ANKS1B: variants seen among roughly 807,000 people sequenced by gnomAD.
ANKS1B encodes ankyrin repeat and sterile alpha motif domain-containing protein 1B.
A neutral mutation model predicts 148.3 loss-of-function variants in ANKS1B; 36 were observed. That is an observed-to-expected ratio of 0.24 (90% CI 0.19 to 0.32). The LOEUF (loss-of-function observed/expected upper bound fraction) is 0.32. ANKS1B is among the 10% of genes least tolerant of loss of function. The probability of loss-of-function intolerance (pLI) is 1.00; values close to 1 mark genes in which losing one functional copy is unlikely to be tolerated. For synonymous variants in ANKS1B, 542 were observed against 560.8 expected, an observed-to-expected ratio of 0.97 and a Z score of 0.47; for missense variants, 1,157 against 1,542.6, an observed-to-expected ratio of 0.75 and a Z score of 4.19.
chr12:99,400,982 G>A (rs1346579337), intron 11 of ANKS1B, among the ~76,000 whole-genome samples: 1 of 145,264 alleles, frequency 6.9e-6, no homozygotes, highest in Non-Finnish European at 1.5e-5. Flanking sequence ...TATCTGCACA[G>A]TATAGGGTTT....
intron 12 of ANKS1B, among the ~76,000 whole-genome samples, chr12:99,384,634 C>G (rs1316634953): frequency 6.6e-6 from 1 of 150,760 alleles, no homozygotes; most frequent in African/African-American, 2.4e-5. Flanking sequence ...CCCCTCCTCT[C>G]CCTCCCCTCC....
At chr12:99,928,847 C>G (rs1457114228) in intron 1 of ANKS1B, among the ~76,000 whole-genome samples, 5 of 152,118 alleles carry the variant, frequency 3.3e-5, no homozygotes, top group Admixed American at 2.6e-4. Context: ...TTACCAACTA[C>G]GAAAGGGAAT....
chr12:99,792,743 T>C (rs2065814790), intron 4 of ANKS1B, among the ~76,000 whole-genome samples: 4 of 152,008 alleles, frequency 2.6e-5, no homozygotes, highest in Admixed American at 2.6e-4. Context: ...AGTATCATAC[T>C]GAATGGGGGA....
chr12:99,336,818 T>C (rs1437779630), intron 12 of ANKS1B, among the ~76,000 whole-genome samples: 1 of 152,140 alleles, frequency 6.6e-6, no homozygotes, highest in African/African-American at 2.4e-5. Flanking sequence ...ACTTTAAATA[T>C]GTCATGCTAC....
chr12:98,735,485 T>G, exon 10 of ANKS1B: 1 of 579,610 alleles, frequency 1.7e-6, no homozygotes, highest in African/African-American at 1.8e-5. Flanking sequence ...ATTAGACCAC[T>G]AAAGTGAAGG....
chr12:98,754,360 G>A (rs977311876), intron 25 of ANKS1B, among the ~76,000 whole-genome samples: 3 of 152,176 alleles, frequency 2.0e-5, no homozygotes, highest in Non-Finnish European at 2.9e-5. Context: ...TGGCACTCAC[G>A]TCACTGTCAG....
chr12:99,006,571 G>A (rs1953336206), intron 17 of ANKS1B, among the ~76,000 whole-genome samples: 1 of 152,132 alleles, frequency 6.6e-6, no homozygotes, highest in South Asian at 2.1e-4. Flanking sequence ...GACAGGCCAG[G>A]GACTCAGGAT....
At chr12:99,843,833 C>G (rs1042269589) in intron 1 of ANKS1B, among the ~76,000 whole-genome samples, 1 of 152,136 alleles carries the variant, frequency 6.6e-6, no homozygotes, top group African/African-American at 2.4e-5. Flanking sequence ...AATCGCCACA[C>G]TGTCTTCCAC....
Position 99,053,293 on chromosome 12 carries a change from T to G in ANKS1B, c.2642A>C (p.His881Pro). ...TACAGAGGTGGGATGGTAGCCATCA[T>G]GCCCAATGGGTCTCATCTGTAATAA... ...QLLPKMRPIG[H>P]DGYHPTSVAE... The change falls in exon 17 of 27, where the codon CAT (histidine) becomes CCT (proline). Residue 881 changes from histidine (H) to proline (P), a missense_variant. Coordinates refer to ENST00000683438, the MANE Select transcript of ANKS1B (RefSeq NM_001352186.2). 1 of 1,609,134 alleles carries G rather than the reference T, an allele frequency of 6.2e-7. No individual in the cohort carries two copies. The highest frequency in any genetic ancestry group is 8.5e-7 in the Non-Finnish European group (1 of 1,177,770).
chr12:99,026,144 C>T (rs972082926), intron 17 of ANKS1B, among the ~76,000 whole-genome samples: 13 of 152,142 alleles, frequency 8.5e-5, no homozygotes, highest in African/African-American at 1.4e-4. Flanking sequence ...TCTTTTACCA[C>T]CCTTGAAGTA....
chr12:99,450,960 T>C (rs1056904252), intron 10 of ANKS1B, among the ~76,000 whole-genome samples: 3 of 152,188 alleles, frequency 2.0e-5, no homozygotes, highest in African/African-American at 7.2e-5. Flanking sequence ...ATATCCTTGA[T>C]AATATAATTT....
At position 99,587,646 on chromosome 12, in the gene ANKS1B, T is replaced by A. The variant is rs565050691; in HGVS notation, c.1272+67421A>T. On this transcript the variant is annotated intron_variant, in intron 9 of 26. Coordinates refer to ENST00000683438, the MANE Select transcript of ANKS1B (RefSeq NM_001352186.2). ...GAAAATAGCAGATCACATAAAATGC[T>A]GTGTTCTCACTTCATAAGGGTAGAT... Among the ~76,000 whole-genome samples the A allele has an allele frequency of 1.5e-4, 23 of 152,328 alleles. 1 individual carries two copies. Among genetic ancestry groups the A allele is most frequent in the African/African-American group, 4.8e-4 (20 of 41,570 alleles).
chr12:99,127,168 T>C (rs2064640299), intron 15 of ANKS1B, among the ~76,000 whole-genome samples: 1 of 152,154 alleles, frequency 6.6e-6, no homozygotes, highest in South Asian at 2.1e-4. Flanking sequence ...ATAATTTGCC[T>C]ATAAAATATC....
chr12:99,296,088 G>C (rs918115379), intron 12 of ANKS1B, among the ~76,000 whole-genome samples: 1 of 151,956 alleles, frequency 6.6e-6, no homozygotes, highest in Non-Finnish European at 1.5e-5. Context: ...AAAATTTGTG[G>C]AAAAGACTTT....
chr12:99,914,720 TTTA>T (rs1603451990), intron 1 of ANKS1B, among the ~76,000 whole-genome samples: 2 of 151,722 alleles, frequency 1.3e-5, no homozygotes, highest in African/African-American at 2.4e-5. Context: ...GAGGGTGATA[TTTA>T]GGGGGGTGTA....
chr12:99,902,786 T>C lies in ANKS1B; in HGVS notation c.135-77397A>G, dbSNP rs1023570947. ...TTTTTTTTGAGACAGAGTCTCACTCTGTCATCCAGGCTGGAATGCAGCGGC... is the reference window on the plus strand; with the variant it reads ...TTTTTTTTGAGACAGAGTCTCACTCCGTCATCCAGGCTGGAATGCAGCGGC... On this transcript the variant is annotated intron_variant, in intron 1 of 26. Coordinates refer to ENST00000683438, the MANE Select transcript of ANKS1B (RefSeq NM_001352186.2). 1.2e-4 allele frequency among the ~76,000 whole-genome samples: 18 copies of C among 151,106 alleles called. 1 individual carries two copies. Among genetic ancestry groups the C allele is most frequent in the Admixed American group, 1.2e-3 (18 of 15,130 alleles).
chr12:99,083,038 G>A (rs556161315), intron 16 of ANKS1B, among the ~76,000 whole-genome samples: 1 of 152,166 alleles, frequency 6.6e-6, no homozygotes, highest in East Asian at 1.9e-4. Flanking sequence ...TCCTGAATTG[G>A]TTCTAAGGAT....
intron 14 of ANKS1B, among the ~76,000 whole-genome samples, chr12:99,190,211 A>C (rs1172623746): frequency 6.6e-6 from 1 of 152,210 alleles, no homozygotes; most frequent in African/African-American, 2.4e-5. Flanking sequence ...AAATGGAAAA[A>C]CATTCCATGC....
intron 1 of ANKS1B, among the ~76,000 whole-genome samples, chr12:99,869,673 CTT>C (rs1435193125): frequency 7.0e-6 from 1 of 143,452 alleles, no homozygotes; most frequent in South Asian, 2.2e-4. Context: ...AAGAGTGAAA[CTT>C]TGTCTCAAAA....
Sources: gnomAD v4.1 joint callset for allele counts (sites outside exome capture counted in the v4.1 genomes callset) on GRCh38, gnomAD v4.1.1 for gene constraint, MANE v1.5 for transcripts, NCBI Gene and HGNC (gene_info 2026-07-23, HGNC 2026-07-21) for gene names.